Variants in HDX observed in about 807,000 individuals in gnomAD.
The protein encoded by HDX is highly divergent homeobox, also known as chromosome X open reading frame 43.
HDX carries 19 observed loss-of-function variants against 45.2 expected under a neutral mutation model. The observed-to-expected ratio is 0.42, with a 90% confidence interval of 0.29 to 0.62. The LOEUF (loss-of-function observed/expected upper bound fraction) is 0.62. Ranked by LOEUF, HDX falls within the 20% of genes least tolerant of loss-of-function variation. HDX has a pLI of 0.20. For synonymous variants in HDX, 188 were observed against 172.8 expected (o/e 1.09, Z -0.69); for missense variants, 532 against 493.9 (o/e 1.08, Z -0.73).
chrX:84,376,719 C>T (rs762925880), intron 5 of HDX, among the ~76,000 whole-genome samples: 5 of 112,097 alleles, frequency 4.5e-5, no homozygotes, highest in South Asian at 3.7e-4. Context: ...TGCACTATTG[C>T]CACAGTACAA....
intron 6 of HDX, among the ~76,000 whole-genome samples, chrX:84,356,326 T>G (rs1372372131): frequency 8.9e-6 from 1 of 111,928 alleles, no homozygotes; most frequent in East Asian, 2.8e-4. Flanking sequence ...ATTTTCTCTC[T>G]GCCATGAGCA....
intron 3 of HDX, among the ~76,000 whole-genome samples, chrX:84,473,745 T>C (rs1418803568): frequency 9.1e-6 from 1 of 109,484 alleles, no homozygotes; most frequent in Non-Finnish European, 1.9e-5. Context: ...CTGGCAAGCG[T>C]TTTCATTTTA....
In HDX at chrX:84,321,975, C is replaced by T. The variant is rs771903643; in HGVS notation, c.1987G>A (p.Asp663Asn). The T allele has an allele frequency of 8.5e-7, 1 of 1,179,474 alleles. No individual in the cohort carries two copies. The highest frequency in any genetic ancestry group is 1.1e-6 in the Non-Finnish European group (1 of 870,282). Residue 663 changes from aspartate (D) to asparagine (N), a missense_variant, in exon 11 of 11, where the codon GAT (aspartate) becomes AAT (asparagine). This residue lies in a region of HDX where 151 missense variants were observed against 131.8 expected (regional missense o/e 1.15). Transcript: ENST00000373177. ...SDLPPELEEM[D>N]FNHASLEPDD... Reference sequence around the variant, plus strand: ...GGCTCCAGTGAGGCATGATTGAAATCCATTTCCTCTAATTCAGGAGGTAAA... The same window carrying T: ...GGCTCCAGTGAGGCATGATTGAAATTCATTTCCTCTAATTCAGGAGGTAAA...
At chrX:84,476,630 C>T (rs1280692546) in intron 2 of HDX, among the ~76,000 whole-genome samples, 4 of 107,132 alleles carry the variant, frequency 3.7e-5, no homozygotes, top group African/African-American at 1.0e-4. Flanking sequence ...AGAGCAACAA[C>T]GAAACTCTTC....
intron 4 of HDX, among the ~76,000 whole-genome samples, chrX:84,468,071 G>A (rs1490752046): frequency 9.0e-6 from 1 of 111,051 alleles, no homozygotes; most frequent in Non-Finnish European, 1.9e-5. Flanking sequence ...ATGTACCAGG[G>A]AAGCCACCAC....
intron 4 of HDX, among the ~76,000 whole-genome samples, chrX:84,463,224 C>CTGTT (rs1212646301): frequency 9.0e-6 from 1 of 111,151 alleles, no homozygotes; most frequent in East Asian, 2.8e-4. Flanking sequence ...TCTACCCACT[C>CTGTT]AACACAGATT....
intron 1 of HDX, among the ~76,000 whole-genome samples, chrX:84,499,830 G>T (rs1327135063): frequency 1.8e-5 from 2 of 111,432 alleles, no homozygotes; most frequent in African/African-American, 6.5e-5. Context: ...CTGAAGGATA[G>T]GAAAGTGACA....
chrX:84,491,310 T>C (rs1398104739), intron 1 of HDX, among the ~76,000 whole-genome samples: 1 of 111,876 alleles, frequency 8.9e-6, no homozygotes, highest in African/African-American at 3.2e-5. Context: ...CAGTAGCTAA[T>C]CTGCTGTTAA....
chrX:84,338,155 G>T (rs913502762), intron 7 of HDX, among the ~76,000 whole-genome samples: 2 of 110,671 alleles, frequency 1.8e-5, no homozygotes, highest in Non-Finnish European at 3.8e-5. Flanking sequence ...GGGGTGCCTC[G>T]TATGAGCATG....
In HDX at chrX:84,353,240, A is replaced by G. The variant is rs186956640; in HGVS notation, c.1452+8226T>C. Among the ~76,000 whole-genome samples the G allele has an allele frequency of 2.7e-3, 306 of 111,742 alleles. 1 individual carries two copies. Among genetic ancestry groups the G allele is most frequent in the African/African-American group, 9.7e-3 (298 of 30,799 alleles). Reference sequence around the variant, plus strand: ...GTACATTTTTACAGAATCATGGATAACTGAGTTAATCCTGGAGTCTGCTCT... The same window carrying G: ...GTACATTTTTACAGAATCATGGATAGCTGAGTTAATCCTGGAGTCTGCTCT... On this transcript the variant is annotated intron_variant, in intron 6 of 10. Transcript: ENST00000373177.
At chrX:84,332,303 A>T (rs775433318) in intron 9 of HDX, among the ~76,000 whole-genome samples, 125 of 112,045 alleles carry the variant, frequency 1.1e-3, no homozygotes, top group Admixed American at 3.0e-3. Context: ...AGACACTTAC[A>T]TAAAACATAT....
chrX:84,502,121 T>C (rs2041132269), intron 1 of HDX, among the ~76,000 whole-genome samples: 1 of 110,953 alleles, frequency 9.0e-6, no homozygotes, highest in Non-Finnish European at 1.9e-5. Context: ...TGTATCCCTA[T>C]CCGCAGCTCG....
At chrX:84,473,036 A>C (rs1405602428) in intron 3 of HDX, among the ~76,000 whole-genome samples, 4 of 108,939 alleles carry the variant, frequency 3.7e-5, no homozygotes, top group Non-Finnish European at 7.6e-5. Flanking sequence ...GAAAAAAAAG[A>C]AAGAAAAGTA....
chrX:84,441,362 A>G (rs1315900407), intron 4 of HDX, among the ~76,000 whole-genome samples: 5 of 111,649 alleles, frequency 4.5e-5, no homozygotes, highest in Non-Finnish European at 7.6e-5. Context: ...TGACTAATGG[A>G]TTTATTGCTA....
At chrX:84,440,608 C>T (rs201715119) in intron 4 of HDX, 23 bp from the exon 5 acceptor site, 65 of 1,045,256 alleles carry the variant, frequency 6.2e-5, no homozygotes, top group Non-Finnish European at 8.1e-5. Flanking sequence ...TAAATGGAAT[C>T]TCAGTAAGCT....
chrX:84,322,494 T>C (rs1247680468), intron 10 of HDX, among the ~76,000 whole-genome samples: 1 of 111,223 alleles, frequency 9.0e-6, no homozygotes, highest in Non-Finnish European at 1.9e-5. Context: ...CTCCAGCTAT[T>C]TTACTTTAGA....
chrX:84,381,822 C>A (rs1281766522), intron 5 of HDX, among the ~76,000 whole-genome samples: 2 of 110,633 alleles, frequency 1.8e-5, no homozygotes, highest in Non-Finnish European at 3.8e-5. Context: ...ACCACACGAG[C>A]ACAGACAATC....
chrX:84,459,674 GAA>G (rs200553979), intron 4 of HDX, among the ~76,000 whole-genome samples: 56 of 102,281 alleles, frequency 5.5e-4, no homozygotes, highest in Non-Finnish European at 9.6e-4. Flanking sequence ...AAAGTTATTA[GAA>G]AAAAAAAATA....
At chrX:84,482,160 T>C (rs897081950) in intron 2 of HDX, among the ~76,000 whole-genome samples, 4 of 111,856 alleles carry the variant, frequency 3.6e-5, no homozygotes, top group African/African-American at 6.5e-5. Flanking sequence ...TTATTACGAA[T>C]AGAGCTGAAA....
Sources: allele counts gnomAD v4.1 joint callset (sites outside exome capture counted in the v4.1 genomes callset), GRCh38; gene constraint gnomAD v4.1.1; regional missense constraint gnomAD v4.1.1; transcripts MANE v1.5; gene names NCBI Gene and HGNC (gene_info 2026-07-23, HGNC 2026-07-21).